OXR1: variants seen among roughly 807,000 people sequenced by gnomAD.
OXR1 encodes the protein oxidation resistance 1.
Under a neutral mutation model 104.6 loss-of-function variants are expected in OXR1, and 41 were observed. The observed-to-expected ratio is 0.39, with a 90% CI of 0.31 to 0.51. The LOEUF (loss-of-function observed/expected upper bound fraction) is 0.51, where lower values mean the gene tolerates loss of function less well. Ranked by LOEUF, OXR1 falls within the 20% of genes least tolerant of loss-of-function variation. The pLI is 0.77. For synonymous variants in OXR1, 348 were observed against 348.4 expected (o/e 1.00, Z 0.01); for missense variants, 955 against 1,031.9 (o/e 0.93, Z 1.02).
chr8:106,718,082 A>G (rs1420640879), intron 11 of OXR1, among the ~76,000 whole-genome samples: 2 of 152,176 alleles, frequency 1.3e-5, no homozygotes, highest in African/African-American at 2.4e-5. Flanking sequence ...AACATTTTCT[A>G]TTTACTGCGA....
chr8:106,276,976 C>T (rs963277965), intron 1 of OXR1, among the ~76,000 whole-genome samples: 1 of 152,046 alleles, frequency 6.6e-6, no homozygotes, highest in Non-Finnish European at 1.5e-5. Flanking sequence ...AAGATTGGCC[C>T]TTGCTGATAA....
chr8:106,585,119 G>A (rs1818531811), intron 3 of OXR1, among the ~76,000 whole-genome samples: 1 of 151,968 alleles, frequency 6.6e-6, no homozygotes, highest in South Asian at 2.1e-4. Flanking sequence ...GCACTTTTAT[G>A]GTATACTTTC....
At chr8:106,340,364 C>A (rs1403240195) in intron 1 of OXR1, among the ~76,000 whole-genome samples, 4 of 152,200 alleles carry the variant, frequency 2.6e-5, no homozygotes, top group Admixed American at 1.3e-4. Context: ...GAAGTTCTAC[C>A]TGAGCTGCTG....
Position 106,717,180 on chromosome 8 carries a change from C to T in OXR1, c.1956+3195C>T, listed in dbSNP as rs149063457. 2.3e-3 allele frequency among the ~76,000 whole-genome samples: 355 copies of T among 151,532 alleles called. 1 individual carries two copies. Among genetic ancestry groups the T allele is most frequent in the African/African-American group, 8.0e-3 (330 of 41,282 alleles). Reference sequence around the variant, plus strand: ...CAGCCTGGGCAACAGAGTGAGACTCCATCTCAAAAAAAATAAATAAATAAA... The same window carrying T: ...CAGCCTGGGCAACAGAGTGAGACTCTATCTCAAAAAAAATAAATAAATAAA... On this transcript the variant is annotated intron_variant, in intron 11 of 16. Transcript: ENST00000517566.
intron 1 of OXR1, among the ~76,000 whole-genome samples, chr8:106,346,642 C>A (rs1382866812): frequency 6.6e-6 from 1 of 151,274 alleles, no homozygotes; most frequent in East Asian, 1.9e-4. Context: ...ATCCCTAATT[C>A]ATTTTGCCAG....
chr8:106,554,007 AT>A (rs975570377), intron 3 of OXR1, among the ~76,000 whole-genome samples: 1 of 151,984 alleles, frequency 6.6e-6, no homozygotes, highest in African/African-American at 2.4e-5. Flanking sequence ...TTATCCTGGA[AT>A]TTTTTTTCTC....
At chr8:106,729,770 G>T (rs1444452419) in intron 11 of OXR1, 1 of 152,030 alleles carries the variant, frequency 6.6e-6, no homozygotes, top group Non-Finnish European at 1.5e-5. Context: ...AGCATAGGGG[G>T]CTTTCCAGTG....
chr8:106,716,386 A>G lies in OXR1; in HGVS notation c.1956+2401A>G, dbSNP rs1832253569. 7.5e-5 allele frequency among the ~76,000 whole-genome samples: 2 copies of G among 26,550 alleles called. 1 individual carries two copies. The highest frequency in any genetic ancestry group is 5.3e-4 in the Admixed American group (2 of 3,768). 17.4% of individuals were successfully genotyped at this position (26,550 alleles called of 152,430 possible). A position where few individuals can be genotyped will look rare whatever the true frequency, so the allele number is the denominator to read the frequency against. ...ACGCCTGTAATCCCAGCACTTTGGG[A>G]GGCCGAGGCGGGTGGATCATGAGGT... On this transcript the variant is annotated intron_variant, in intron 11 of 16. Coordinates refer to ENST00000517566, the MANE Select transcript of OXR1 (RefSeq NM_001198533.2).
At chr8:106,641,099 TGCTA>T (rs1341446867) in intron 3 of OXR1, among the ~76,000 whole-genome samples, 2 of 152,248 alleles carry the variant, frequency 1.3e-5, no homozygotes, top group African/African-American at 2.4e-5. Flanking sequence ...CATATAAATT[TGCTA>T]GCTAAAGAAA....
chr8:106,483,795 A>C (rs1822279692), intron 2 of OXR1, among the ~76,000 whole-genome samples: 2 of 152,158 alleles, frequency 1.3e-5, no homozygotes, highest in South Asian at 4.1e-4. Context: ...ATGTCATTAT[A>C]AGCTAAGGGA....
chr8:106,516,636 T>G (rs138440247), intron 2 of OXR1, among the ~76,000 whole-genome samples: 1 of 152,298 alleles, frequency 6.6e-6, no homozygotes, highest in African/African-American at 2.4e-5. Context: ...CTCTATTTAT[T>G]TTTATTACCA....
At chr8:106,675,506 C>A (rs1213125033) in intron 3 of OXR1, among the ~76,000 whole-genome samples, 2 of 152,104 alleles carry the variant, frequency 1.3e-5, no homozygotes, top group Non-Finnish European at 1.5e-5. Flanking sequence ...TATCTTTGTT[C>A]TTATTAGTTG....
At chr8:106,617,156 C>G (rs748575283) in intron 3 of OXR1, among the ~76,000 whole-genome samples, 1 of 152,238 alleles carries the variant, frequency 6.6e-6, no homozygotes, top group Non-Finnish European at 1.5e-5. Context: ...GGGCTAAGGG[C>G]TCATGCCTGT....
intron 2 of OXR1, among the ~76,000 whole-genome samples, chr8:106,403,241 G>A (rs79660872): frequency 0.028 from 4,225 of 152,158 alleles, 96 homozygotes; most frequent in Middle Eastern, 0.041. Flanking sequence ...TCTTTTCTTC[G>A]AGAAACATCA....
chr8:106,730,036 AT>A (rs544910917), intron 11 of OXR1, among the ~76,000 whole-genome samples: 85 of 151,624 alleles, frequency 5.6e-4, no homozygotes, highest in African/African-American at 2.1e-3. Context: ...ACCTCTCTGG[AT>A]TTTTTGTTTT....
At chr8:106,646,398 G>C (rs1035063508) in intron 3 of OXR1, among the ~76,000 whole-genome samples, 1 of 151,948 alleles carries the variant, frequency 6.6e-6, no homozygotes, top group Non-Finnish European at 1.5e-5. Flanking sequence ...ATGAGCCACC[G>C]CGCTTGGCCC....
chr8:106,519,498 G>T (rs922907826), intron 3 of OXR1, among the ~76,000 whole-genome samples: 5 of 152,068 alleles, frequency 3.3e-5, no homozygotes, highest in African/African-American at 1.2e-4. Flanking sequence ...CACCTTTCTT[G>T]TTTTTTGTTT....
intron 2 of OXR1, among the ~76,000 whole-genome samples, chr8:106,431,811 G>C (rs1003141331): frequency 2.0e-5 from 3 of 151,980 alleles, no homozygotes; most frequent in Admixed American, 6.5e-5. Flanking sequence ...TATTCTTCTG[G>C]GAAAATGTGA....
chr8:106,309,647 G>A (rs1586504091), intron 1 of OXR1, among the ~76,000 whole-genome samples: 1 of 151,544 alleles, frequency 6.6e-6, no homozygotes, highest in Admixed American at 6.6e-5. Context: ...TTTTTCCTTT[G>A]AGAGATAAAA....
Sources: allele counts gnomAD v4.1 joint callset (sites outside exome capture counted in the v4.1 genomes callset), GRCh38; gene constraint gnomAD v4.1.1; transcripts MANE v1.5; gene names NCBI Gene and HGNC (gene_info 2026-07-23, HGNC 2026-07-21).